HNMT: variants seen among roughly 807,000 people sequenced by gnomAD.
The protein encoded by HNMT is histamine N-methyltransferase.
A neutral mutation model predicts 32.1 loss-of-function variants in HNMT; 30 were observed. The ratio of observed to expected loss-of-function variants is 0.93; its 90% CI spans 0.70 to 1.27. The LOEUF (loss-of-function observed/expected upper bound fraction) is 1.27, where lower values mean the gene tolerates loss of function less well. Among genes scored for constraint, HNMT ranks in the 50% most tolerant of loss-of-function variants. HNMT has a pLI of 0.00. For synonymous variants in HNMT, 125 were observed against 119.0 expected (o/e 1.05, Z -0.33); for missense variants, 327 against 346.0 (o/e 0.95, Z 0.43).
chr2:137,979,155 C>T (rs568746524), intron 2 of HNMT, among the ~76,000 whole-genome samples: 11 of 146,978 alleles, frequency 7.5e-5, no homozygotes, highest in Middle Eastern at 3.9e-3. Flanking sequence ...TTATATAAGA[C>T]AAACTATATG....
At chr2:137,978,139 T>C (rs1366027826) in intron 2 of HNMT, among the ~76,000 whole-genome samples, 1 of 152,002 alleles carries the variant, frequency 6.6e-6, no homozygotes, top group Non-Finnish European at 1.5e-5. Context: ...ATTCCCATTA[T>C]GGAAATTAAC....
chr2:137,964,765 C>T lies in HNMT; in HGVS notation c.137+137C>T, dbSNP rs1054969693. On this transcript the variant is annotated intron_variant, in intron 1 of 5. Transcript: ENST00000280097. ...ACTGATAGCAGCTCCCCGTCGTCCC[C>T]TCCTCGCTGCCCTGCCCTGCCTTTC... is the stretch of plus-strand genomic sequence containing the variant. 1.9e-5 allele frequency: 15 copies of T among 798,314 alleles called. No individual in the cohort carries two copies. In the East Asian group the frequency reaches 3.0e-4, roughly 16 times the overall value. The allele number at this position is 798,314 out of a possible 1,614,324, so 49.5% of individuals were successfully genotyped here. A position where few individuals can be genotyped will look rare whatever the true frequency, so the allele number is the denominator to read the frequency against.
intron 2 of HNMT, among the ~76,000 whole-genome samples, chr2:137,985,068 A>G (rs1022068413): frequency 6.6e-6 from 1 of 152,194 alleles, no homozygotes; most frequent in African/African-American, 2.4e-5. Flanking sequence ...AACTAGGATT[A>G]TAATTTTATA....
chr2:137,980,752 C>A (rs1377687683), intron 2 of HNMT, among the ~76,000 whole-genome samples: 1 of 152,072 alleles, frequency 6.6e-6, no homozygotes, highest in East Asian at 1.9e-4. Context: ...TATTTATAAC[C>A]CCCTTCTTGA....
intron 3 of HNMT, 26 bp downstream of exon 3, chr2:138,001,051 A>G (rs748641646): frequency 8.5e-7 from 1 of 1,179,530 alleles, no homozygotes; most frequent in Non-Finnish European, 1.2e-6. Context: ...GGTCCTCTAC[A>G]CCAGATCCTA....
At chr2:137,967,267 C>A in intron 1 of HNMT, 1 of 608,076 alleles carries the variant, frequency 1.6e-6, no homozygotes, top group Non-Finnish European at 2.9e-6. Flanking sequence ...AAAAAGTTAG[C>A]TGAACAAGGC....
intron 2 of HNMT, among the ~76,000 whole-genome samples, chr2:137,973,229 C>T (rs761867110): frequency 7.0e-4 from 107 of 152,132 alleles, no homozygotes; most frequent in Non-Finnish European, 1.4e-3. Flanking sequence ...CTTGAAAGAA[C>T]AGTGTTTTGA....
chr2:137,980,746 T>A (rs1156310799), intron 2 of HNMT, among the ~76,000 whole-genome samples: 3 of 152,162 alleles, frequency 2.0e-5, no homozygotes, highest in Non-Finnish European at 4.4e-5. Flanking sequence ...AATTTATATT[T>A]ATAACCCCCT....
At chr2:137,995,185 A>C (rs1162598925) in intron 2 of HNMT, among the ~76,000 whole-genome samples, 1 of 151,986 alleles carries the variant, frequency 6.6e-6, no homozygotes, top group African/African-American at 2.4e-5. Flanking sequence ...ATTAAAGGAG[A>C]TAGAGACCCA....
Position 137,967,343 on chromosome 2 carries a change from C to T in HNMT, c.137+2715C>T, listed in dbSNP as rs1041309427. 7.8e-6 allele frequency: 4 copies of T among 509,916 alleles called. No homozygotes were observed. In the South Asian group the frequency reaches 9.1e-5, roughly 12 times the overall value. The allele number at this position is 509,916 out of a possible 1,614,324, so 31.6% of individuals were successfully genotyped here. ...ACTTAAGTCCGAGAGATCGAGGCTT[C>T]AGTGAGATATGGCTGAGACACTGCT... is the stretch of plus-strand genomic sequence containing the variant. On this transcript the variant is annotated intron_variant, in intron 1 of 5. Transcript: ENST00000280097.
intron 5 of HNMT, 47 bp downstream of exon 5, chr2:138,005,272 C>A: frequency 1.0e-6 from 1 of 957,898 alleles, no homozygotes; most frequent in Non-Finnish European, 1.7e-6. Context: ...CAATAATACA[C>A]GTATGCATGG....
intron 2 of HNMT, chr2:137,981,471 A>C (rs1166002391): frequency 1.0e-5 from 10 of 1,003,498 alleles, no homozygotes; most frequent in Non-Finnish European, 1.5e-5. Flanking sequence ...TTCACACCGC[A>C]GCTTCCCCTT....
At chr2:138,010,032 T>G (rs1681446631) in intron 5 of HNMT, among the ~76,000 whole-genome samples, 1 of 152,110 alleles carries the variant, frequency 6.6e-6, no homozygotes, top group South Asian at 2.1e-4. Context: ...TTTGGGTCAC[T>G]TTCTTAATGG....
intron 5 of HNMT, among the ~76,000 whole-genome samples, chr2:138,008,638 T>C (rs1463154648): frequency 6.6e-6 from 1 of 152,064 alleles, no homozygotes; most frequent in East Asian, 1.9e-4. Context: ...TACGACCATC[T>C]GATCTTTGAC....
chr2:137,988,709 T>C (rs1393433285), intron 2 of HNMT: 1 of 152,026 alleles, frequency 6.6e-6, no homozygotes, highest in African/African-American at 2.4e-5. Context: ...ACCCCGTCTC[T>C]ACTAAAAATA....
intron 2 of HNMT, among the ~76,000 whole-genome samples, chr2:137,986,082 T>A (rs1159661208): frequency 2.6e-5 from 4 of 152,002 alleles, no homozygotes; most frequent in Non-Finnish European, 5.9e-5. Flanking sequence ...GGTTAAATGA[T>A]TACAGTAAGC....
intron 2 of HNMT, among the ~76,000 whole-genome samples, chr2:137,970,654 C>T (rs1680093401): frequency 1.3e-5 from 2 of 152,252 alleles, no homozygotes; most frequent in East Asian, 1.9e-4. Context: ...GGCGCGGTGG[C>T]TCACGCCTGT....
At chr2:137,965,334 A>T (rs1296505686) in intron 1 of HNMT, among the ~76,000 whole-genome samples, 1 of 152,128 alleles carries the variant, frequency 6.6e-6, no homozygotes, top group Non-Finnish European at 1.5e-5. Context: ...TAATCAAATC[A>T]CCTATCTGGG....
At chr2:137,997,374 A>C (rs546583272) in intron 2 of HNMT, among the ~76,000 whole-genome samples, 1 of 152,320 alleles carries the variant, frequency 6.6e-6, no homozygotes, top group East Asian at 1.9e-4. Flanking sequence ...ATATGAACAG[A>C]CACTTCTCAA....
Sources: allele counts gnomAD v4.1 joint callset (sites outside exome capture counted in the v4.1 genomes callset), GRCh38; gene constraint gnomAD v4.1.1; transcripts MANE v1.5; gene names NCBI Gene and HGNC (gene_info 2026-07-23, HGNC 2026-07-21).